PXDNL: variants seen among roughly 807,000 people sequenced by gnomAD.
PXDNL encodes the protein probable oxidoreductase PXDNL.
In PXDNL, 145 loss-of-function variants were observed where a neutral mutation model predicts 150.8. The observed-to-expected ratio is 0.96, with a 90% CI of 0.84 to 1.10. The LOEUF is 1.10. Ranked by LOEUF, PXDNL falls within the 50% of genes least tolerant of loss-of-function variation. The pLI is 0.00. For synonymous variants in PXDNL, 757 were observed against 725.7 expected (o/e 1.04, Z -0.69); for missense variants, 2,087 against 1,873.9 (o/e 1.11, Z -2.10).
chr8:51,786,740 T>C (rs1357333402), intron 1 of PXDNL, among the ~76,000 whole-genome samples: 2 of 152,176 alleles, frequency 1.3e-5, no homozygotes, highest in Non-Finnish European at 2.9e-5. Flanking sequence ...CCAGAAGACC[T>C]GGCTAAAATC....
chr8:51,427,478 C>A (rs949758398), intron 12 of PXDNL, among the ~76,000 whole-genome samples: 9 of 151,914 alleles, frequency 5.9e-5, no homozygotes, highest in Non-Finnish European at 1.3e-4. Context: ...TTCTTATGAA[C>A]ATATATACAA....
At chr8:51,411,988 G>T (rs1047261727) in intron 15 of PXDNL, among the ~76,000 whole-genome samples, 1 of 152,090 alleles carries the variant, frequency 6.6e-6, no homozygotes, top group Non-Finnish European at 1.5e-5. Context: ...TGTCTCCTCT[G>T]CTAAAGAAAG....
chr8:51,623,928 T>C (rs1397182750), intron 2 of PXDNL, among the ~76,000 whole-genome samples: 1 of 151,630 alleles, frequency 6.6e-6, no homozygotes, highest in Non-Finnish European at 1.5e-5. Flanking sequence ...ACCCCATCTC[T>C]ACAAAAATTA....
chr8:51,657,787 GATTTAAA>G (rs1276729610), intron 1 of PXDNL, among the ~76,000 whole-genome samples: 2 of 152,148 alleles, frequency 1.3e-5, no homozygotes, highest in Non-Finnish European at 2.9e-5. Flanking sequence ...CCAAATTATA[GATTTAAA>G]CTTATCACTG....
intron 17 of PXDNL, among the ~76,000 whole-genome samples, chr8:51,388,355 C>CT (rs892784899): frequency 6.6e-6 from 1 of 152,020 alleles, no homozygotes; most frequent in African/African-American, 2.4e-5. Context: ...ATTAATCAGT[C>CT]TTTTTTTCAA....
At chr8:51,680,953 T>C (rs1277376309) in intron 1 of PXDNL, among the ~76,000 whole-genome samples, 1 of 149,326 alleles carries the variant, frequency 6.7e-6, no homozygotes, top group Non-Finnish European at 1.5e-5. Flanking sequence ...AAGACCAGGG[T>C]TTTGGGATTT....
intron 19 of PXDNL, among the ~76,000 whole-genome samples, chr8:51,358,190 T>C (rs1806580438): frequency 6.6e-6 from 1 of 152,206 alleles, no homozygotes; most frequent in Non-Finnish European, 1.5e-5. Context: ...TAATGAATTA[T>C]CTTTAAATGA....
intron 8 of PXDNL, among the ~76,000 whole-genome samples, chr8:51,471,873 A>G (rs1810344097): frequency 6.6e-6 from 1 of 151,970 alleles, no homozygotes; most frequent in African/African-American, 2.4e-5. Flanking sequence ...TTTTTAGTAG[A>G]GACGGGGTTT....
intron 2 of PXDNL, among the ~76,000 whole-genome samples, chr8:51,644,577 A>C (rs918232848): frequency 1.8e-4 from 27 of 150,562 alleles, no homozygotes; most frequent in Non-Finnish European, 3.3e-4. Flanking sequence ...CTCCTGCCTC[A>C]GCCTCCCAAG....
At chr8:51,690,750 C>CTT (rs1438523539) in intron 1 of PXDNL, among the ~76,000 whole-genome samples, 1 of 151,228 alleles carries the variant, frequency 6.6e-6, no homozygotes, top group Non-Finnish European at 1.5e-5. Context: ...GCCACACTGA[C>CTT]TTCCACAATG....
rs149400970 is a variant in PXDNL, at chr8:51,480,838, C to T, written c.524+2805G>A. The stretch of plus-strand genomic sequence containing the variant: ...TCCTTTGCTCTTTCTTCATTTTCTG[C>T]CATGATTGTGAGGCCTCCCTAGCCA... On this transcript the variant is annotated intron_variant, in intron 6 of 22. Coordinates refer to ENST00000356297, the MANE Select transcript of PXDNL (RefSeq NM_144651.5). Among the ~76,000 whole-genome samples the T allele has an allele frequency of 3.6e-3, 548 of 152,286 alleles. 4 individuals are homozygous for T. Among genetic ancestry groups the T allele is most frequent in the African/African-American group, 0.012 (516 of 41,546 alleles).
intron 1 of PXDNL, among the ~76,000 whole-genome samples, chr8:51,780,764 A>G (rs1373788138): frequency 1.4e-5 from 2 of 138,414 alleles, no homozygotes; most frequent in Non-Finnish European, 3.0e-5. Flanking sequence ...GGTTCAAGGG[A>G]TTCTCCTGCC....
intron 1 of PXDNL, among the ~76,000 whole-genome samples, chr8:51,673,663 G>C (rs535478664): frequency 2.4e-4 from 36 of 152,260 alleles, no homozygotes; most frequent in African/African-American, 8.7e-4. Flanking sequence ...TCAATTAACA[G>C]ATGTTTTTAA....
intron 2 of PXDNL, among the ~76,000 whole-genome samples, chr8:51,599,671 AATG>A (rs1223328074): frequency 1.4e-5 from 2 of 146,902 alleles, no homozygotes; most frequent in Non-Finnish European, 3.0e-5. Flanking sequence ...ATCTTATATA[AATG>A]ATATCATTTA....
intron 1 of PXDNL, among the ~76,000 whole-genome samples, chr8:51,781,337 G>T (rs2037413289): frequency 6.6e-6 from 1 of 151,972 alleles, no homozygotes; most frequent in African/African-American, 2.4e-5. Flanking sequence ...GCCTTGATTT[G>T]CTATTTTCTG....
At chr8:51,793,189 G>C (rs989530580) in intron 1 of PXDNL, among the ~76,000 whole-genome samples, 4 of 152,176 alleles carry the variant, frequency 2.6e-5, no homozygotes, top group African/African-American at 9.7e-5. Context: ...GAGGGACCCA[G>C]GTCTGGAGTG....
intron 19 of PXDNL, among the ~76,000 whole-genome samples, chr8:51,367,284 C>T (rs899589994): frequency 6.6e-6 from 1 of 151,970 alleles, no homozygotes; most frequent in African/African-American, 2.4e-5. Flanking sequence ...ACTATGAACA[C>T]ACAATGCACA....
intron 17 of PXDNL, among the ~76,000 whole-genome samples, chr8:51,392,109 G>T (rs1282280725): frequency 1.3e-5 from 2 of 152,066 alleles, no homozygotes; most frequent in African/African-American, 4.8e-5. Context: ...TCTCTGTTTT[G>T]GTACCAGTAC....
chr8:51,772,000 G>A (rs566924348), intron 1 of PXDNL, among the ~76,000 whole-genome samples: 2 of 152,096 alleles, frequency 1.3e-5, no homozygotes, highest in East Asian at 1.9e-4. Flanking sequence ...CATGTGAGGA[G>A]GTGTGGTCCA....
Sources: allele counts gnomAD v4.1 joint callset (sites outside exome capture counted in the v4.1 genomes callset), GRCh38; gene constraint gnomAD v4.1.1; transcripts MANE v1.5; gene names NCBI Gene and HGNC (gene_info 2026-07-23, HGNC 2026-07-21).